Variants in PDE4D observed in about 807,000 individuals in gnomAD.
The protein encoded by PDE4D is phosphodiesterase 4D, also known as 3',5'-cyclic-AMP phosphodiesterase 4D.
A neutral mutation model predicts 87.4 loss-of-function variants in PDE4D; 24 were observed. That is an observed-to-expected ratio of 0.27 (90% confidence interval 0.20 to 0.39). The LOEUF (loss-of-function observed/expected upper bound fraction) is 0.39. Among genes scored for constraint, PDE4D ranks in the 10% least tolerant of loss-of-function variants. The pLI is 1.00. For synonymous variants in PDE4D, 384 were observed against 383.2 expected, an observed-to-expected ratio of 1.00 and a Z score of -0.02; for missense variants, 714 against 1,041.0, an observed-to-expected ratio of 0.69 and a Z score of 4.32.
At chr5:59,552,442 C>T (rs981773634) in intron 1 of PDE4D, among the ~76,000 whole-genome samples, 6 of 151,964 alleles carry the variant, frequency 3.9e-5, no homozygotes, top group African/African-American at 1.4e-4. Context: ...AGTTGTTGTA[C>T]TAGAACAATA....
At chr5:59,031,392 TTATATA>T (rs138464552) in intron 6 of PDE4D, among the ~76,000 whole-genome samples, 1 of 34,284 alleles carries the variant, frequency 2.9e-5, no homozygotes, top group Non-Finnish European at 5.1e-5. Context: ...TATATATATA[TTATATA>T]TATATATATA....
At chr5:60,039,258 TA>T (rs1056247983) in intron 2 of PDE4D, among the ~76,000 whole-genome samples, 1 of 151,888 alleles carries the variant, frequency 6.6e-6, no homozygotes, top group Admixed American at 6.6e-5. Flanking sequence ...TATGCAGCCA[TA>T]AAAAAATGAG....
chr5:60,396,211 G>A (rs1762872543), intron 1 of PDE4D, among the ~76,000 whole-genome samples: 1 of 152,192 alleles, frequency 6.6e-6, no homozygotes, highest in South Asian at 2.1e-4. Context: ...GAGCAGATAT[G>A]TTAAAATAGA....
chr5:59,498,192 A>G (rs1262092484), intron 1 of PDE4D, among the ~76,000 whole-genome samples: 1 of 151,680 alleles, frequency 6.6e-6, no homozygotes, highest in Non-Finnish European at 1.5e-5. Context: ...CATGAAAACA[A>G]AAGGAAAGGA....
At chr5:60,235,114 T>C (rs1746276161) in intron 1 of PDE4D, among the ~76,000 whole-genome samples, 1 of 151,906 alleles carries the variant, frequency 6.6e-6, no homozygotes, top group Non-Finnish European at 1.5e-5. Flanking sequence ...ATGTGTATGA[T>C]AAATATTTTC....
intron 1 of PDE4D, among the ~76,000 whole-genome samples, chr5:59,488,294 C>T (rs1003798408): frequency 1.3e-5 from 2 of 152,010 alleles, no homozygotes; most frequent in African/African-American, 4.8e-5. Flanking sequence ...TTTTATCTCA[C>T]ATTTTCATGC....
chr5:59,284,258 C>T (rs1357970314), intron 1 of PDE4D, among the ~76,000 whole-genome samples: 1 of 152,242 alleles, frequency 6.6e-6, no homozygotes, highest in East Asian at 1.9e-4. Context: ...ACCATATGGT[C>T]ATCCTCTCTT....
intron 1 of PDE4D, among the ~76,000 whole-genome samples, chr5:59,537,023 A>G (rs770338784): frequency 3.8e-4 from 58 of 152,350 alleles, no homozygotes; most frequent in Middle Eastern, 3.4e-3. Context: ...AGTTTACTAG[A>G]TGATTAAATA....
At chr5:59,083,230 T>G (rs1412624372) in intron 5 of PDE4D, among the ~76,000 whole-genome samples, 1 of 151,910 alleles carries the variant, frequency 6.6e-6, no homozygotes, top group Non-Finnish European at 1.5e-5. Flanking sequence ...GTTTGATACC[T>G]TTGAAAGATC....
intron 1 of PDE4D, among the ~76,000 whole-genome samples, chr5:60,315,539 TTTTAGACATGAAGTCC>T (rs1204737160): frequency 1.3e-5 from 2 of 152,212 alleles, no homozygotes; most frequent in African/African-American, 4.8e-5. Flanking sequence ...GCTTTTGGTG[TTTTAGACATGAAGTCC>T]TTGTCCATGC....
chr5:58,985,463 C>T (rs1326419507), intron 11 of PDE4D, among the ~76,000 whole-genome samples: 5 of 152,108 alleles, frequency 3.3e-5, no homozygotes, highest in Non-Finnish European at 7.3e-5. Context: ...TTAAGAAAAA[C>T]GAAGAGCACA....
chr5:59,921,995 C>T (rs570510747), intron 3 of PDE4D, among the ~76,000 whole-genome samples: 36 of 152,250 alleles, frequency 2.4e-4, no homozygotes, highest in African/African-American at 7.7e-4. Flanking sequence ...CTCCCCCATG[C>T]GTCAGCAGTG....
intron 1 of PDE4D, among the ~76,000 whole-genome samples, chr5:59,705,766 C>T (rs371710128): frequency 1.3e-5 from 2 of 152,100 alleles, no homozygotes; most frequent in East Asian, 1.9e-4. Context: ...ATTTATTCTT[C>T]CCAATAGTTT....
intron 1 of PDE4D, among the ~76,000 whole-genome samples, chr5:60,384,149 T>TA (rs1011761861): frequency 5.9e-5 from 9 of 152,118 alleles, no homozygotes; most frequent in African/African-American, 1.2e-4. Context: ...AACTTGAAAC[T>TA]AAAAAACAGC....
At chr5:60,407,977 C>A (rs1271613947) in intron 1 of PDE4D, among the ~76,000 whole-genome samples, 1 of 152,030 alleles carries the variant, frequency 6.6e-6, no homozygotes, top group African/African-American at 2.4e-5. Flanking sequence ...GTGTAGCTTC[C>A]GTCTTCTTTA....
At chr5:59,855,802 A>C (rs1257157466) in intron 1 of PDE4D, among the ~76,000 whole-genome samples, 1 of 152,174 alleles carries the variant, frequency 6.6e-6, no homozygotes. Context: ...CATATTTTTG[A>C]TTCACATAAT....
At chr5:59,883,902 T>A (rs72751296) in intron 1 of PDE4D, among the ~76,000 whole-genome samples, 1 of 152,084 alleles carries the variant, frequency 6.6e-6, no homozygotes, top group Non-Finnish European at 1.5e-5. Flanking sequence ...TTACTAAATT[T>A]TTTTATGAAA....
chr5:60,072,457 G>T (rs1290572104), intron 2 of PDE4D, among the ~76,000 whole-genome samples: 4 of 152,116 alleles, frequency 2.6e-5, no homozygotes, highest in African/African-American at 2.4e-5. Context: ...TCTGTAGGTT[G>T]TCTATTTTCT....
intron 1 of PDE4D, among the ~76,000 whole-genome samples, chr5:59,801,210 T>C (rs1200004448): frequency 6.6e-6 from 1 of 152,200 alleles, no homozygotes; most frequent in Non-Finnish European, 1.5e-5. Context: ...GGAATCCTAT[T>C]GTGTTGTTAA....
Sources: gnomAD v4.1 joint callset for allele counts (sites outside exome capture counted in the v4.1 genomes callset) on GRCh38, gnomAD v4.1.1 for gene constraint, MANE v1.5 for transcripts, NCBI Gene and HGNC (gene_info 2026-07-23, HGNC 2026-07-21) for gene names.